Variants in CCR9 observed in about 807,000 individuals in gnomAD.
CCR9 encodes C-C chemokine receptor type 9.
Under a neutral mutation model 8.7 loss-of-function variants are expected in CCR9, and 4 were observed. That is an observed-to-expected ratio of 0.46 (90% CI 0.23 to 1.06). The LOEUF (loss-of-function observed/expected upper bound fraction) is 1.06, where lower values mean the gene tolerates loss of function less well. Ranked by LOEUF, CCR9 falls within the 50% of genes least tolerant of loss-of-function variation. CCR9 has a pLI of 0.21. For synonymous variants in CCR9, 159 were observed against 168.8 expected, an observed-to-expected ratio of 0.94 and a Z score of 0.45; for missense variants, 394 against 453.6, an observed-to-expected ratio of 0.87 and a Z score of 1.19.
At chr3:45,895,762 T>G (rs1182023077) in intron 2 of CCR9, among the ~76,000 whole-genome samples, 1 of 152,180 alleles carries the variant, frequency 6.6e-6, no homozygotes, top group Non-Finnish European at 1.5e-5. Context: ...CAGAGAATCT[T>G]TTTTTCTTTT....
chr3:45,888,854 G>A (rs1019218856), intron 1 of CCR9, among the ~76,000 whole-genome samples: 1 of 152,196 alleles, frequency 6.6e-6, no homozygotes, highest in African/African-American at 2.4e-5. Context: ...GTGGGCTCTA[G>A]GGAGGGGTAT....
chr3:45,901,352 A>C lies in CCR9; in HGVS notation c.564A>C (p.Gln188His). The change falls in exon 3 of 3, where the codon CAA becomes CAC. Residue 188 changes from glutamine (Q) to histidine (H), a missense_variant. Coordinates refer to ENST00000357632, the MANE Select transcript of CCR9 (RefSeq NM_031200.3). The surrounding 1 kb of genome is among the most constrained non-coding windows in gnomAD (Gnocchi z 4.3). ...ALCIPEILYS[Q>H]IKEESGIAIC... ...GCATCCCAGAAATCTTATACAGCCAAATCAAGGAGGAATCCGGCATTGCTA... is the reference window on the plus strand; with the variant it reads ...GCATCCCAGAAATCTTATACAGCCACATCAAGGAGGAATCCGGCATTGCTA... The C allele has an allele frequency of 6.2e-7, 1 of 1,614,180 alleles. No individual in the cohort carries two copies. Among genetic ancestry groups the C allele is most frequent in the Non-Finnish European group, 8.5e-7 (1 of 1,180,018 alleles).
In CCR9 at chr3:45,900,857, T is replaced by C; in HGVS notation, c.69T>C (p.Ser23=). Residue 23 remains serine (S), a synonymous_variant, in exon 3 of 3, where the codon TCT becomes TCC. Transcript: ENST00000357632. This position sits in a 1 kb window ranked among gnomAD's most constrained non-coding sequence, Gnocchi z 4.7. ...MADDYGSEST[S]SMEDYVNFNF... ...ATGACTATGGCTCTGAATCCACATCTTCCATGGAAGACTACGTTAACTTCA... is the reference window on the plus strand; with the variant it reads ...ATGACTATGGCTCTGAATCCACATCCTCCATGGAAGACTACGTTAACTTCA... 6.2e-7 allele frequency: 1 copy of C among 1,614,082 alleles called. No individual in the cohort carries two copies. Among genetic ancestry groups the C allele is most frequent in the Non-Finnish European group, 8.5e-7 (1 of 1,179,952 alleles).
At chr3:45,895,715 A>T (rs1467071832) in intron 2 of CCR9, among the ~76,000 whole-genome samples, 1 of 137,424 alleles carries the variant, frequency 7.3e-6, no homozygotes, top group African/African-American at 2.6e-5. Context: ...CTCTGTCTTA[A>T]AAAAAAAAAA....
At chr3:45,893,735 T>G (rs185596214) in intron 1 of CCR9, among the ~76,000 whole-genome samples, 1 of 152,300 alleles carries the variant, frequency 6.6e-6, no homozygotes, top group African/African-American at 2.4e-5. Context: ...TACCACAGAG[T>G]AAAGCTGTAA....
At chr3:45,893,215 T>C (rs1388904144) in intron 1 of CCR9, among the ~76,000 whole-genome samples, 4 of 151,542 alleles carry the variant, frequency 2.6e-5, no homozygotes, top group Non-Finnish European at 5.9e-5. Flanking sequence ...AGTGCAGTGG[T>C]GCAATCTTGG....
chr3:45,901,032 A>G lies in CCR9; in HGVS notation c.244A>G (p.Met82Val), dbSNP rs759011726. 4.3e-6 allele frequency: 7 copies of G among 1,611,662 alleles called. No individual in the cohort carries two copies. In the South Asian group the frequency reaches 6.6e-5, roughly 15 times the overall value. ...VYWYCTRVKT[M>V]TDMFLLNLAI... ...CTGGTACTGCACAAGAGTGAAGACC[A>G]TGACCGACATGTTCCTTTTGAATTT... The change falls in exon 3 of 3, where the codon ATG (methionine) becomes GTG (valine). Residue 82 changes from methionine (M) to valine (V), a missense_variant. Transcript: ENST00000357632. The surrounding 1 kb of genome is among the most constrained non-coding windows in gnomAD (Gnocchi z 4.3).
At chr3:45,890,717 CT>C (rs1702152697) in intron 1 of CCR9, among the ~76,000 whole-genome samples, 1 of 152,018 alleles carries the variant, frequency 6.6e-6, no homozygotes, top group Admixed American at 6.6e-5. Flanking sequence ...AGAATACAAC[CT>C]TTCTGAAGAA....
chr3:45,890,423 G>C (rs1347604478), intron 1 of CCR9, among the ~76,000 whole-genome samples: 1 of 137,242 alleles, frequency 7.3e-6, no homozygotes, highest in Non-Finnish European at 1.5e-5. Context: ...TATTCCCCAA[G>C]CTGTAATAAA....
Position 45,902,405 on chromosome 3 carries a change from G to T in CCR9, c.*507G>T, listed in dbSNP as rs1244576158. ...CCCATGCCAGGTCTTATAGATTCCTGATCTAGAACCTTTCCAGGCAATCTC... is the reference window on the plus strand; with the variant it reads ...CCCATGCCAGGTCTTATAGATTCCTTATCTAGAACCTTTCCAGGCAATCTC... On this transcript the variant is annotated 3_prime_UTR_variant, in exon 3 of 3. Transcript: ENST00000357632. 2 of 168,516 alleles carry T rather than the reference G, an allele frequency of 1.2e-5. No homozygotes were observed. Among genetic ancestry groups the T allele is most frequent in the African/African-American group, 4.8e-5 (2 of 41,446 alleles). The allele number at this position is 168,516 out of a possible 1,614,324, so 10.4% of individuals were successfully genotyped here.
chr3:45,892,652 C>A (rs998761785), intron 1 of CCR9, among the ~76,000 whole-genome samples: 1 of 152,100 alleles, frequency 6.6e-6, no homozygotes, highest in African/African-American at 2.4e-5. Context: ...AATCTATACA[C>A]CAAGCCCCCA....
chr3:45,893,000 A>C (rs535307467), intron 1 of CCR9, among the ~76,000 whole-genome samples: 120 of 152,306 alleles, frequency 7.9e-4, no homozygotes, highest in Admixed American at 2.7e-3. Flanking sequence ...AATAAACTGC[A>C]AATATTAAAA....
Position 45,901,108 on chromosome 3 carries a change from C to T in CCR9, c.320C>T (p.Ala107Val). ...GTCACTCTTCCCTTCTGGGCCATTG[C>T]TGCTGCTGACCAGTGGAAGTTCCAG... ...FLVTLPFWAI[A>V]AADQWKFQTF... The change falls in exon 3 of 3, where the codon GCT becomes GTT. Residue 107 changes from alanine (A) to valine (V), a missense_variant. By Grantham distance (64) the Ala-to-Val change is moderately conservative. Transcript: ENST00000357632. This position sits in a 1 kb window ranked among gnomAD's most constrained non-coding sequence, Gnocchi z 4.3. 6.2e-7 allele frequency: 1 copy of T among 1,614,068 alleles called. No individual in the cohort carries two copies. Among genetic ancestry groups the T allele is most frequent in the Non-Finnish European group, 8.5e-7 (1 of 1,179,934 alleles).
In CCR9 at chr3:45,890,317, T is replaced by A. The variant is rs1342711798; in HGVS notation, c.-29+3662T>A. 3.9e-3 allele frequency among the ~76,000 whole-genome samples: 239 copies of A among 61,312 alleles called. 45 individuals are homozygous for A. Among genetic ancestry groups the A allele is most frequent in the African/African-American group, 0.016 (178 of 10,820 alleles). The allele number at this position is 61,312 out of a possible 152,430, so 40.2% of individuals were successfully genotyped here. A position where few individuals can be genotyped will look rare whatever the true frequency, so the allele number is the denominator to read the frequency against. ...ATATATATATAACATATATATATATTTATATAAATATATATATAACATATA... is the reference window on the plus strand; with the variant it reads ...ATATATATATAACATATATATATATATATATAAATATATATATAACATATA... On this transcript the variant is annotated intron_variant, in intron 1 of 2. Coordinates refer to ENST00000357632, the MANE Select transcript of CCR9 (RefSeq NM_031200.3).
At chr3:45,892,896 C>T (rs1195273731) in intron 1 of CCR9, among the ~76,000 whole-genome samples, 1 of 152,128 alleles carries the variant, frequency 6.6e-6, no homozygotes, top group Non-Finnish European at 1.5e-5. Context: ...TGCTGACAGC[C>T]GGAGATGACA....
chr3:45,890,275 T>TATATATAAC (rs1702114074), intron 1 of CCR9, among the ~76,000 whole-genome samples: 3 of 85,148 alleles, frequency 3.5e-5, no homozygotes, highest in Non-Finnish European at 6.8e-5. Flanking sequence ...ATATAACATA[T>TATATATAAC]ATATATATTT....
At chr3:45,896,362 C>T (rs1702355354) in intron 2 of CCR9, among the ~76,000 whole-genome samples, 1 of 152,310 alleles carries the variant, frequency 6.6e-6, no homozygotes, top group Admixed American at 6.5e-5. Flanking sequence ...AGGAGTCTGG[C>T]GCCATCTAAA....
Position 45,901,571 on chromosome 3 carries a change from C to G in CCR9, c.783C>G (p.Thr261=), listed in dbSNP as rs759541158. 2 of 1,614,156 alleles carry G rather than the reference C, an allele frequency of 1.2e-6. No individual in the cohort carries two copies. The highest frequency in any genetic ancestry group is 1.7e-6 in the Non-Finnish European group (2 of 1,180,006). ...TAAAAGTGACCATCACTGTCCTGAC[C>G]GTCTTTGTCTTGTCTCAGTTTCCCT... The part of the protein sequence containing the change: ...KALKVTITVL[T]VFVLSQFPYN... Residue 261 remains threonine (T), a synonymous_variant, in exon 3 of 3, where the codon ACC becomes ACG. Coordinates refer to ENST00000357632, the MANE Select transcript of CCR9 (RefSeq NM_031200.3). The surrounding 1 kb of genome is among the most constrained non-coding windows in gnomAD (Gnocchi z 4.3).
chr3:45,897,413 G>GC (rs1702391159), intron 2 of CCR9: 1 of 636,612 alleles, frequency 1.6e-6, no homozygotes. Flanking sequence ...GAAAAACTAT[G>GC]CCCCCTGGGC....
Sources: gnomAD v4.1 joint callset for allele counts (sites outside exome capture counted in the v4.1 genomes callset) on GRCh38, gnomAD v4.1.1 for gene constraint, Gnocchi (gnomAD v3.1) non-coding constraint, MANE v1.5 for transcripts, NCBI Gene and HGNC (gene_info 2026-07-23, HGNC 2026-07-21) for gene names.